TRIO: variants seen among roughly 807,000 people sequenced by gnomAD.
The protein encoded by TRIO is triple functional domain protein.
TRIO carries 58 observed loss-of-function variants against 351.9 expected under a neutral mutation model. The observed-to-expected ratio is 0.16, with a 90% CI of 0.13 to 0.21. The LOEUF is 0.21. Ranked by LOEUF, TRIO falls within the 10% of genes least tolerant of loss-of-function variation. The pLI, the probability that TRIO is intolerant of heterozygous loss-of-function variation, is 1.00. For synonymous variants in TRIO, 1,758 were observed against 1,595.7 expected, an observed-to-expected ratio of 1.10 and a Z score of -2.42; for missense variants, 3,201 against 4,027.8, an observed-to-expected ratio of 0.79 and a Z score of 5.56.
intron 33 of TRIO, 130 bp from the exon 34 acceptor site, chr5:14,419,648 A>T: frequency 1.6e-6 from 2 of 1,281,242 alleles, no homozygotes; most frequent in Non-Finnish European, 2.1e-6. Context: ...CAGTGATCAC[A>T]CAACCTCGGA....
Position 14,487,638 on chromosome 5 carries a change from G to C in TRIO, c.7010G>C (p.Arg2337Pro), listed in dbSNP as rs760882236. 9 of 1,246,088 alleles carry C rather than the reference G, an allele frequency of 7.2e-6. No individual in the cohort carries two copies. The highest frequency in any genetic ancestry group is 9.2e-6 in the Non-Finnish European group (9 of 983,580). 77.2% of individuals were successfully genotyped at this position (1,246,088 alleles called of 1,614,324 possible). A position where few individuals can be genotyped will look rare whatever the true frequency, so the allele number is the denominator to read the frequency against. The change falls in exon 48 of 57, where the codon CGG (arginine) becomes CCG (proline). Residue 2337 changes from arginine (R) to proline (P), a missense_variant. Coordinates refer to ENST00000344204, the MANE Select transcript of TRIO (RefSeq NM_007118.4). ...GGCGCCCCCAGCACGAGCAGGAGCCGGCCCTCCCGGATCCCCCAGCCTGTC... is the reference window on the plus strand; with the variant it reads ...GGCGCCCCCAGCACGAGCAGGAGCCCGCCCTCCCGGATCCCCCAGCCTGTC... The part of the protein sequence containing the change: ...CGGAPSTSRS[R>P]PSRIPQPVRH...
In TRIO at chr5:14,422,572, T is replaced by C. The variant is rs569377574; in HGVS notation, c.5203+2551T>C. On this transcript the variant is annotated intron_variant, in intron 34 of 56. Coordinates refer to ENST00000344204, the MANE Select transcript of TRIO (RefSeq NM_007118.4). The stretch of plus-strand genomic sequence containing the variant: ...CAGATCAGCCAAGAAGGGTCCAGGA[T>C]CATGATGAGCCGTGCTCAGGTTCAC... Among the ~76,000 whole-genome samples the C allele has an allele frequency of 1.7e-3, 261 of 152,338 alleles. 2 individuals are homozygous for C. The highest frequency in any genetic ancestry group is 3.1e-3 in the Non-Finnish European group (209 of 68,028).
At chr5:14,214,179 G>A (rs1463828965) in intron 1 of TRIO, among the ~76,000 whole-genome samples, 1 of 152,194 alleles carries the variant, frequency 6.6e-6, no homozygotes, top group African/African-American at 2.4e-5. Flanking sequence ...ACCTAGAGAA[G>A]GGCTGGGTTG....
intron 47 of TRIO, 38 bp downstream of exon 47, chr5:14,485,284 C>A: frequency 6.5e-7 from 1 of 1,531,544 alleles, no homozygotes; most frequent in Non-Finnish European, 8.8e-7. Context: ...TGCTTTCTTT[C>A]CTCGTGTACT....
rs775198871 is a variant in TRIO at position 14,316,489 on chromosome 5, A to G, written c.1501-24A>G. On this transcript the variant is annotated intron_variant, in intron 8 of 56. Coordinates refer to ENST00000344204, the MANE Select transcript of TRIO (RefSeq NM_007118.4). ...TAGGCCAAACCTCAGATCGTGAAGA[A>G]TCACTCATTTCTTTTGTGGGCAGGT... 1.6e-5 allele frequency: 26 copies of G among 1,612,498 alleles called. No homozygotes were observed. The South Asian group carries it at 2.9e-4, about 18-fold the overall frequency.
chr5:14,308,865 A>G (rs1023563058), intron 8 of TRIO, among the ~76,000 whole-genome samples: 9 of 149,256 alleles, frequency 6.0e-5, no homozygotes, highest in South Asian at 4.3e-4. Context: ...CCGTATCACT[A>G]AATTGCCCAT....
At chr5:14,444,079 T>G (rs941239572) in intron 34 of TRIO, among the ~76,000 whole-genome samples, 3 of 105,898 alleles carry the variant, frequency 2.8e-5, no homozygotes, top group Non-Finnish European at 5.2e-5. Context: ...TCTCTTGAAG[T>G]CTTTTTTTTT....
intron 1 of TRIO, among the ~76,000 whole-genome samples, chr5:14,212,498 T>C (rs994701529): frequency 6.6e-6 from 1 of 152,202 alleles, no homozygotes; most frequent in African/African-American, 2.4e-5. Context: ...GAACCTCAGA[T>C]GTCTCAGGCA....
chr5:14,488,561 C>T (rs936717888), intron 48 of TRIO: 1 of 515,626 alleles, frequency 1.9e-6, no homozygotes, highest in Non-Finnish European at 3.4e-6. Flanking sequence ...CTTTTTTAAC[C>T]TCTGCCTTCC....
At chr5:14,259,141 G>A (rs770531060) in intron 1 of TRIO, among the ~76,000 whole-genome samples, 4 of 152,140 alleles carry the variant, frequency 2.6e-5, no homozygotes, top group Non-Finnish European at 4.4e-5. Flanking sequence ...GGTCACTTTC[G>A]GTTTTAGTGT....
chr5:14,508,104 C>G lies in TRIO; in HGVS notation c.8976C>G (p.Phe2992Leu). The stretch of plus-strand genomic sequence containing the variant: ...TACTTCTTAGTGGCGTGTCCCCCTT[C>G]CTGGATGACAGTGTGGAAGAGACCT... ...TYVLLSGVSP[F>L]LDDSVEETCL... The change falls in exon 57 of 57, where the codon TTC becomes TTG. Residue 2992 changes from phenylalanine (F) to leucine (L), a missense_variant. Transcript: ENST00000344204. 1 of 1,614,226 alleles carries G rather than the reference C, an allele frequency of 6.2e-7. No individual in the cohort carries two copies. The highest frequency in any genetic ancestry group is 8.5e-7 in the Non-Finnish European group (1 of 1,180,048).
chr5:14,383,655 G>A (rs1746306472), intron 21 of TRIO, among the ~76,000 whole-genome samples: 1 of 152,152 alleles, frequency 6.6e-6, no homozygotes. Context: ...TATTGAATTG[G>A]TTATACCAGG....
intron 17 of TRIO, 23 bp from the exon 18 acceptor site, chr5:14,369,351 C>T (rs754056497): frequency 1.3e-6 from 2 of 1,586,722 alleles, no homozygotes; most frequent in African/African-American, 1.3e-5. Context: ...CAAGTCTGAG[C>T]CTCAAACTTT....
rs377456180 is a variant in TRIO at position 14,482,839 on chromosome 5, T to A, written c.6657+66T>A. On this transcript the variant is annotated intron_variant, in intron 46 of 56. Coordinates refer to ENST00000344204, the MANE Select transcript of TRIO (RefSeq NM_007118.4). Reference sequence around the variant, plus strand: ...GTACCCGTCACACCGATACACTGTTTCCTTTTAATGATGACATACCCTGAT... The same window carrying A: ...GTACCCGTCACACCGATACACTGTTACCTTTTAATGATGACATACCCTGAT... The A allele has an allele frequency of 5.2e-6, 7 of 1,358,976 alleles. No individual in the cohort carries two copies. In the South Asian group the frequency reaches 7.1e-5, roughly 14 times the overall value. The allele number at this position is 1,358,976 out of a possible 1,614,324, so 84.2% of individuals were successfully genotyped here.
intron 1 of TRIO, among the ~76,000 whole-genome samples, chr5:14,175,438 C>T (rs191300565): frequency 1.7e-4 from 26 of 152,182 alleles, no homozygotes; most frequent in African/African-American, 5.8e-4. Context: ...GTAATAGATT[C>T]CATTTTTTGT....
chr5:14,251,970 A>G (rs72744277), intron 1 of TRIO, among the ~76,000 whole-genome samples: 1 of 16,160 alleles, frequency 6.2e-5, no homozygotes, highest in South Asian at 1.5e-3. Context: ...GAGGCAACTT[A>G]AAAAAAAAAA....
intron 18 of TRIO, among the ~76,000 whole-genome samples, chr5:14,373,273 A>C (rs16903426): frequency 0.01 from 1,554 of 152,320 alleles, 38 homozygotes; most frequent in African/African-American, 0.036. Context: ...ATTTCACACG[A>C]ATCAGTAGAG....
intron 1 of TRIO, among the ~76,000 whole-genome samples, chr5:14,210,881 C>T (rs1791846754): frequency 6.6e-6 from 1 of 152,042 alleles, no homozygotes; most frequent in Non-Finnish European, 1.5e-5. Flanking sequence ...TTATCTTGTC[C>T]TACCCTCCAC....
intron 1 of TRIO, among the ~76,000 whole-genome samples, chr5:14,229,068 A>G (rs1793232868): frequency 6.6e-6 from 1 of 152,204 alleles, no homozygotes; most frequent in African/African-American, 2.4e-5. Flanking sequence ...TAGTATTTAC[A>G]TTTGTAATAT....
Sources: gnomAD v4.1 joint callset for allele counts (sites outside exome capture counted in the v4.1 genomes callset) on GRCh38, gnomAD v4.1.1 for gene constraint, MANE v1.5 for transcripts, NCBI Gene and HGNC (gene_info 2026-07-23, HGNC 2026-07-21) for gene names.